USH2A: variants seen among roughly 807,000 people sequenced by gnomAD.
USH2A encodes the protein Usher syndrome 2A (autosomal recessive, mild).
USH2A carries 443 observed loss-of-function variants against 538.9 expected under a neutral mutation model. The ratio of observed to expected loss-of-function variants is 0.82; its 90% CI spans 0.76 to 0.89. The LOEUF (loss-of-function observed/expected upper bound fraction) is 0.89. USH2A is among the 40% of genes least tolerant of loss of function. The probability of loss-of-function intolerance (pLI) is 0.00; values close to 1 mark genes in which losing one functional copy is unlikely to be tolerated. For synonymous variants in USH2A, 2,413 were observed against 2,273.5 expected (o/e 1.06, Z -1.75); for missense variants, 6,633 against 6,324.8 (o/e 1.05, Z -1.65).
chr1:215,845,233 G>C (rs139241024), intron 45 of USH2A, among the ~76,000 whole-genome samples: 31 of 152,220 alleles, frequency 2.0e-4, no homozygotes, highest in Non-Finnish European at 3.8e-4. Flanking sequence ...CACTTAAAGA[G>C]CTCTGCTAAT....
chr1:215,849,830 T>G (rs1558126746), intron 44 of USH2A, among the ~76,000 whole-genome samples: 1 of 152,200 alleles, frequency 6.6e-6, no homozygotes, highest in Non-Finnish European at 1.5e-5. Flanking sequence ...GGAAATAGTT[T>G]AATCCAAGAA....
At chr1:216,201,706 C>A in intron 16 of USH2A, 2 of 212,192 alleles carry the variant, frequency 9.4e-6, no homozygotes, top group Non-Finnish European at 1.1e-5. Flanking sequence ...GCACCTTGGG[C>A]ACTGACTCAG....
intron 32 of USH2A, among the ~76,000 whole-genome samples, chr1:216,043,748 T>C (rs567759057): frequency 6.6e-6 from 1 of 152,200 alleles, no homozygotes; most frequent in Non-Finnish European, 1.5e-5. Flanking sequence ...TCCGGTTTTG[T>C]CCAGTGTAAC....
At chr1:215,847,434 C>T (rs1184134924) in intron 44 of USH2A, among the ~76,000 whole-genome samples, 3 of 151,984 alleles carry the variant, frequency 2.0e-5, no homozygotes, top group Admixed American at 6.6e-5. Context: ...CACTTGAGCT[C>T]AGGAGTTCGA....
chr1:215,750,287 T>A (rs930528322), intron 58 of USH2A, among the ~76,000 whole-genome samples: 1 of 152,162 alleles, frequency 6.6e-6, no homozygotes, highest in African/African-American at 2.4e-5. Flanking sequence ...TGTATGGAAA[T>A]TTAACATTGG....
At chr1:216,109,198 C>A (rs1485769247) in intron 21 of USH2A, among the ~76,000 whole-genome samples, 1 of 152,168 alleles carries the variant, frequency 6.6e-6, no homozygotes, top group African/African-American at 2.4e-5. Flanking sequence ...CTGACTTTAT[C>A]TTAGCAAAAT....
intron 64 of USH2A, among the ~76,000 whole-genome samples, chr1:215,657,988 C>T (rs894718440): frequency 2.1e-5 from 3 of 145,838 alleles, no homozygotes; most frequent in African/African-American, 7.7e-5. Context: ...GGCTGGAGTG[C>T]AGTGGCGTGA....
chr1:216,310,525 T>C (rs1223912553), intron 9 of USH2A, among the ~76,000 whole-genome samples: 1 of 152,144 alleles, frequency 6.6e-6, no homozygotes, highest in Non-Finnish European at 1.5e-5. Context: ...GAAATCTTCA[T>C]TTCTTTGTGT....
intron 61 of USH2A, among the ~76,000 whole-genome samples, chr1:215,710,083 A>G (rs896174291): frequency 6.6e-6 from 1 of 152,218 alleles, no homozygotes; most frequent in African/African-American, 2.4e-5. Flanking sequence ...TCAAGAAGCT[A>G]TGGGTACATA....
intron 21 of USH2A, among the ~76,000 whole-genome samples, chr1:216,112,645 GT>G (rs1309969397): frequency 1.3e-5 from 2 of 151,988 alleles, no homozygotes; most frequent in Non-Finnish European, 2.9e-5. Context: ...CCCAGTGTCT[GT>G]TGTTCCTTTG....
intron 38 of USH2A, among the ~76,000 whole-genome samples, chr1:215,911,228 T>C (rs1665772562): frequency 2.0e-5 from 3 of 152,102 alleles, no homozygotes; most frequent in Admixed American, 2.0e-4. Flanking sequence ...TTTTTTAAGT[T>C]ATTTAAAAAT....
chr1:216,256,345 G>A (rs1418021702), intron 11 of USH2A, among the ~76,000 whole-genome samples: 1 of 94,482 alleles, frequency 1.1e-5, no homozygotes, highest in African/African-American at 4.4e-5. Flanking sequence ...TGCCTGTTTT[G>A]TGTTATTTTA....
chr1:216,421,782 A>T, intron 2 of USH2A, 70 bp downstream of exon 2: 1 of 1,610,546 alleles, frequency 6.2e-7, no homozygotes. Flanking sequence ...TTTGGAATTC[A>T]GGCTGAAATG....
intron 30 of USH2A, 136 bp downstream of exon 30, chr1:216,069,965 G>C: frequency 9.8e-7 from 1 of 1,019,232 alleles, no homozygotes. Context: ...TACTTTAGAT[G>C]GGTGTTGTTT....
chr1:215,729,758 G>A (rs890799830), intron 60 of USH2A, among the ~76,000 whole-genome samples: 2 of 152,122 alleles, frequency 1.3e-5, no homozygotes, highest in Admixed American at 1.3e-4. Context: ...AGTCTCCTGA[G>A]TAGCTAGGAC....
chr1:215,885,793 T>C (rs1170169350), intron 41 of USH2A, among the ~76,000 whole-genome samples: 1 of 152,202 alleles, frequency 6.6e-6, no homozygotes, highest in African/African-American at 2.4e-5. Context: ...CAGGTGGCAT[T>C]GTATGGAGAA....
chr1:215,858,339 A>G (rs1664224772), intron 44 of USH2A, among the ~76,000 whole-genome samples: 1 of 151,814 alleles, frequency 6.6e-6, no homozygotes, highest in Non-Finnish European at 1.5e-5. Flanking sequence ...TGTAATCTCC[A>G]TAATACCCAT....
At chr1:216,145,335 C>T (rs758885594) in intron 21 of USH2A, among the ~76,000 whole-genome samples, 1 of 152,188 alleles carries the variant, frequency 6.6e-6, no homozygotes, top group Non-Finnish European at 1.5e-5. Context: ...AGCCATGTGT[C>T]TCTCCTTGGG....
In USH2A at chr1:215,623,092, T is replaced by C. The variant is rs1655849263; in HGVS notation, c.*2689A>G. On this transcript the variant is annotated 3_prime_UTR_variant, in exon 72 of 72. Coordinates refer to ENST00000307340, the MANE Select transcript of USH2A (RefSeq NM_206933.4). ...TACATCAGTATATGGTACCATAACATTAATATTTGGGTTCCATTTAGTGGA... is the reference window on the plus strand; with the variant it reads ...TACATCAGTATATGGTACCATAACACTAATATTTGGGTTCCATTTAGTGGA... The C allele has an allele frequency of 6.6e-6, 1 of 152,130 alleles. No homozygotes were observed. Among genetic ancestry groups the C allele is most frequent in the Admixed American group, 6.6e-5 (1 of 15,260 alleles). The allele number at this position is 152,130 out of a possible 1,614,324, so 9.4% of individuals were successfully genotyped here. A position where few individuals can be genotyped will look rare whatever the true frequency, so the allele number is the denominator to read the frequency against.
Sources: allele counts gnomAD v4.1 joint callset (sites outside exome capture counted in the v4.1 genomes callset), GRCh38; gene constraint gnomAD v4.1.1; transcripts MANE v1.5; gene names NCBI Gene and HGNC (gene_info 2026-07-23, HGNC 2026-07-21).